The following WDR77 variants were observed in gnomAD, a reference collection of about 807,000 sequenced individuals.
WDR77 encodes methylosome protein WDR77.
WDR77 carries 31 observed loss-of-function variants against 44.0 expected under a neutral mutation model. The observed-to-expected ratio is 0.70, with a 90% CI of 0.53 to 0.95. WDR77 has a LOEUF of 0.95. Ranked by LOEUF, WDR77 falls within the 40% of genes least tolerant of loss-of-function variation. WDR77 has a pLI of 0.00. For synonymous variants in WDR77, 186 were observed against 165.7 expected (o/e 1.12, Z -0.94); for missense variants, 390 against 423.9 (o/e 0.92, Z 0.70).
chr1:111,448,376 A>G (rs1653143073), intron 2 of WDR77, among the ~76,000 whole-genome samples: 1 of 152,108 alleles, frequency 6.6e-6, no homozygotes, highest in Non-Finnish European at 1.5e-5. Context: ...CAGAAGAAAA[A>G]TGGTTCCAAT....
At position 111,448,734 on chromosome 1, in the gene WDR77, C is replaced by A; in HGVS notation, c.186G>T (p.Lys62Asn). 1 of 1,613,596 alleles carries A rather than the reference C, an allele frequency of 6.2e-7. No individual in the cohort carries two copies. Among genetic ancestry groups the A allele is most frequent in the Non-Finnish European group, 8.5e-7 (1 of 1,179,716 alleles). Residue 62 changes from lysine (K) to asparagine (N), a missense_variant, in exon 2 of 10, where the codon AAG becomes AAT. Coordinates refer to ENST00000235090, the MANE Select transcript of WDR77 (RefSeq NM_024102.4). ...RCWAGSLWLF[K>N]DPCAAPNEGF... Reference sequence around the variant, plus strand: ...CTTCGTTGGGGGCGGCACAGGGGTCCTTAAAAAGCCAGAGGGAGCCGGCCC... The same window carrying A: ...CTTCGTTGGGGGCGGCACAGGGGTCATTAAAAAGCCAGAGGGAGCCGGCCC...
rs869083750 is a variant in WDR77 at position 111,445,773 on chromosome 1, C to CT, written c.493+1321dup. ...AAATATAATAGACATAGAACATTGA[C>CT]TTTTTTTTTTTCCCTGAGACAGTTT... On this transcript the variant is annotated intron_variant, in intron 4 of 9. Transcript: ENST00000235090. Among the ~76,000 whole-genome samples the CT allele has an allele frequency of 5.7e-4, 84 of 148,342 alleles. 1 individual carries two copies. The highest frequency in any genetic ancestry group is 3.5e-3 in the Middle Eastern group (1 of 282).
At chr1:111,447,323 T>A in intron 3 of WDR77, 112 bp downstream of exon 3, 1 of 1,527,248 alleles carries the variant, frequency 6.5e-7, no homozygotes, top group South Asian at 1.2e-5. Context: ...CATGCTAAAA[T>A]AAGTCACTGG....
Position 111,443,435 on chromosome 1 carries a change from A to G in WDR77, c.620-41T>C, listed in dbSNP as rs559151604. 7.2e-6 allele frequency: 11 copies of G among 1,526,792 alleles called. No individual in the cohort carries two copies. The Admixed American group carries it at 2.2e-4, about 30-fold the overall frequency. The allele number at this position is 1,526,792 out of a possible 1,614,324, so 94.6% of individuals were successfully genotyped here. A position where few individuals can be genotyped will look rare whatever the true frequency, so the allele number is the denominator to read the frequency against. ...GAGGGTCTGGACCAAAACTCAGAGTACAGAAGAAGCAGTTTCTCAAATGAT... is the reference window on the plus strand; with the variant it reads ...GAGGGTCTGGACCAAAACTCAGAGTGCAGAAGAAGCAGTTTCTCAAATGAT... On this transcript the variant is annotated intron_variant, in intron 6 of 9. Transcript: ENST00000235090.
chr1:111,447,733 T>G (rs1248533070), intron 2 of WDR77, among the ~76,000 whole-genome samples, 157 bp from the exon 3 acceptor site: 1 of 152,248 alleles, frequency 6.6e-6, no homozygotes, highest in Admixed American at 6.5e-5. Context: ...AGCTAATTTC[T>G]GAGTCTTTGA....
rs762800660 is a variant in WDR77, at chr1:111,442,770, G to C, written c.692-9C>G. The C allele has an allele frequency of 5.2e-6, 8 of 1,553,002 alleles. No individual in the cohort carries two copies. Among genetic ancestry groups the C allele is most frequent in the Non-Finnish European group, 6.1e-6 (7 of 1,141,702 alleles). The stretch of plus-strand genomic sequence containing the variant: ...TGTCCCATTCTCATCACCTGTAGAA[G>C]AGAAGGAACATGTCATAGTGATTAA... On this transcript the variant is annotated splice_polypyrimidine_tract_variant and intron_variant, in intron 7 of 9. Coordinates refer to ENST00000235090, the MANE Select transcript of WDR77 (RefSeq NM_024102.4).
rs1201730294 is a variant in WDR77, at chr1:111,441,582, C to T, written c.870-193G>A. On this transcript the variant is annotated intron_variant, in intron 9 of 9. Coordinates refer to ENST00000235090, the MANE Select transcript of WDR77 (RefSeq NM_024102.4). ...GTCATCAGTCATCCAATCCAGTCTT[C>T]TATTTTCATAGATGAAGAAATGCTG... 4.6e-6 allele frequency: 6 copies of T among 1,294,138 alleles called. No individual in the cohort carries two copies. In the South Asian group the frequency reaches 8.1e-5, roughly 18 times the overall value. 80.2% of individuals were successfully genotyped at this position (1,294,138 alleles called of 1,614,324 possible).
rs1203299979 is a variant in WDR77, at chr1:111,443,282, C to T, written c.691+41G>A. The T allele has an allele frequency of 4.5e-6, 7 of 1,541,834 alleles. No homozygotes were observed. The Admixed American group carries it at 7.9e-5, about 17-fold the overall frequency. ...GTCAGCTCTTTCTTTTTCCTCCTCC[C>T]CTTTCCCAGAGTCAATATGAAGTCT... On this transcript the variant is annotated intron_variant, in intron 7 of 9. Coordinates refer to ENST00000235090, the MANE Select transcript of WDR77 (RefSeq NM_024102.4).
chr1:111,445,060 C>A (rs1229553414), intron 4 of WDR77, among the ~76,000 whole-genome samples: 2 of 152,184 alleles, frequency 1.3e-5, no homozygotes, highest in African/African-American at 4.8e-5. Context: ...GAAATAAGCA[C>A]ACAATAAATT....
rs2101743572 is a variant in WDR77 at position 111,444,074 on chromosome 1, C to CAG, written c.542_543dup (p.Val182LeufsTer69). The CAG allele has an allele frequency of 6.2e-7, 1 of 1,614,120 alleles. No homozygotes were observed. Among genetic ancestry groups the CAG allele is most frequent in the South Asian group, 1.1e-5 (1 of 91,084 alleles). ...CTTACCTCGCTGCATGAAAGAAACA[C>CAG]AGAGTCCTTGTGAGGAGAGGCAGCA... is the stretch of plus-strand genomic sequence containing the variant. On this transcript the variant is annotated frameshift_variant, in exon 5 of 10. Coordinates refer to ENST00000235090, the MANE Select transcript of WDR77 (RefSeq NM_024102.4). LOFTEE classifies it high-confidence loss of function.
intron 4 of WDR77, among the ~76,000 whole-genome samples, chr1:111,446,063 C>A (rs530994134): frequency 1.3e-5 from 2 of 152,234 alleles, no homozygotes; most frequent in Non-Finnish European, 2.9e-5. Flanking sequence ...TAAGCCACTG[C>A]GCACAGCTGG....
intron 2 of WDR77, 104 bp downstream of exon 2, chr1:111,448,515 C>G: frequency 7.2e-7 from 1 of 1,398,442 alleles, no homozygotes; most frequent in East Asian, 2.3e-5. Flanking sequence ...CCTCCAAGCA[C>G]TGAGTATAGG....
intron 1 of WDR77, 23 bp from the exon 2 acceptor site, chr1:111,448,827 G>C: frequency 1.3e-6 from 2 of 1,557,508 alleles, no homozygotes; most frequent in South Asian, 1.2e-5. Context: ...CAAGCTGTCA[G>C]CGCGTGAAGG....
chr1:111,447,633 A>C, intron 2 of WDR77, 57 bp from the exon 3 acceptor site: 2 of 1,594,342 alleles, frequency 1.3e-6, no homozygotes, highest in Non-Finnish European at 8.6e-7. Context: ...GCAGTAATTC[A>C]CTTCTAGGAT....
At chr1:111,448,841 G>T (rs1653174007) in intron 1 of WDR77, 37 bp from the exon 2 acceptor site, 1 of 1,553,158 alleles carries the variant, frequency 6.4e-7, no homozygotes, top group East Asian at 2.4e-5. Flanking sequence ...GTGAAGGGTA[G>T]AAGGGTTCGC....
In WDR77 at chr1:111,443,565, T is replaced by C. The variant is rs1406869119; in HGVS notation, c.620-171A>G. ...ATAACCATTTATCCCAGCAGCCTCC[T>C]GCCCTTTCTGGACACGAGTCACAGG... On this transcript the variant is annotated intron_variant, in intron 6 of 9. Coordinates refer to ENST00000235090, the MANE Select transcript of WDR77 (RefSeq NM_024102.4). The C allele has an allele frequency of 3.5e-6, 3 of 862,004 alleles. No homozygotes were observed. In the African/African-American group the frequency reaches 5.5e-5, roughly 16 times the overall value. 53.4% of individuals were successfully genotyped at this position (862,004 alleles called of 1,614,324 possible). A position where few individuals can be genotyped will look rare whatever the true frequency, so the allele number is the denominator to read the frequency against.
At chr1:111,448,899 A>G in intron 1 of WDR77, 95 bp from the exon 2 acceptor site, 1 of 1,543,190 alleles carries the variant, frequency 6.5e-7, no homozygotes, top group South Asian at 1.2e-5. Context: ...TCTGGATCTG[A>G]GCTCAGGAAC....
Position 111,443,185 on chromosome 1 carries a change from A to AC in WDR77, c.691+137dup, listed in dbSNP as rs1652882058. Reference sequence around the variant, plus strand: ...TACGTTGGCATCACCCCACCTCCCCACCCTCAATTCATAATTCATCTAGTG... The same window carrying AC: ...TACGTTGGCATCACCCCACCTCCCCACCCCTCAATTCATAATTCATCTAGTG... On this transcript the variant is annotated intron_variant, in intron 7 of 9. Transcript: ENST00000235090. 6.8e-6 allele frequency: 5 copies of AC among 736,054 alleles called. No individual in the cohort carries two copies. In the South Asian group the frequency reaches 1.0e-4, roughly 15 times the overall value. 45.6% of individuals were successfully genotyped at this position (736,054 alleles called of 1,614,324 possible). A position where few individuals can be genotyped will look rare whatever the true frequency, so the allele number is the denominator to read the frequency against.
At chr1:111,445,557 T>C (rs1652991752) in intron 4 of WDR77, among the ~76,000 whole-genome samples, 1 of 152,050 alleles carries the variant, frequency 6.6e-6, no homozygotes, top group South Asian at 2.1e-4. Context: ...CCCAGGAATT[T>C]GAGACCAGCC....
Sources: gnomAD v4.1 joint callset for allele counts (sites outside exome capture counted in the v4.1 genomes callset) on GRCh38, gnomAD v4.1.1 for gene constraint, MANE v1.5 for transcripts, NCBI Gene and HGNC (gene_info 2026-07-23, HGNC 2026-07-21) for gene names.